Variants in TIMP2 observed in about 807,000 individuals in gnomAD.
TIMP2 encodes metalloproteinase inhibitor 2.
A neutral mutation model predicts 24.3 loss-of-function variants in TIMP2; 5 were observed. That is an observed-to-expected ratio of 0.21 (90% confidence interval 0.11 to 0.43). TIMP2 has a LOEUF of 0.43. Ranked by LOEUF, TIMP2 falls within the 20% of genes least tolerant of loss-of-function variation. TIMP2 has a pLI of 1.00. For missense variants in TIMP2, 221 were observed against 297.5 expected, an observed-to-expected ratio of 0.74 and a Z score of 1.89; for synonymous variants, 130 against 123.2, an observed-to-expected ratio of 1.06 and a Z score of -0.37.
At position 78,887,138 on chromosome 17, in the gene TIMP2, C is replaced by T. The variant is rs1027454188; in HGVS notation, c.131-13219G>A. Among the ~76,000 whole-genome samples the T allele has an allele frequency of 2.0e-5, 3 of 152,332 alleles. No individual in the cohort carries two copies. In the East Asian group the frequency reaches 5.8e-4, roughly 29 times the overall value. On this transcript the variant is annotated intron_variant, in intron 1 of 4. Transcript: ENST00000262768. The stretch of plus-strand genomic sequence containing the variant: ...AGAGTCTTGTGGGATGCTACTCCCG[C>T]CCCGTCCAAATGAGCGTAACGCTTG...
chr17:78,909,743 A>T (rs1312071658), intron 1 of TIMP2, among the ~76,000 whole-genome samples: 1 of 151,704 alleles, frequency 6.6e-6, no homozygotes, highest in Non-Finnish European at 1.5e-5. Context: ...TGCTACCGAC[A>T]CTCCAAGTAG....
chr17:78,907,721 T>C (rs565993746), intron 1 of TIMP2, among the ~76,000 whole-genome samples: 56 of 152,312 alleles, frequency 3.7e-4, no homozygotes, highest in African/African-American at 1.3e-3. Context: ...AAACGCAGTA[T>C]CTGCAGAGCA....
intron 1 of TIMP2, among the ~76,000 whole-genome samples, chr17:78,911,594 A>C (rs2070208099): frequency 6.6e-6 from 1 of 151,844 alleles, no homozygotes; most frequent in Admixed American, 6.6e-5. Context: ...TGCCCAGCTA[A>C]TTTTAAAAAT....
chr17:78,868,271 G>C (rs2069636336), intron 3 of TIMP2, among the ~76,000 whole-genome samples: 1 of 151,610 alleles, frequency 6.6e-6, no homozygotes, highest in Non-Finnish European at 1.5e-5. Flanking sequence ...TTTTTTGTGA[G>C]ATGGGGTCTT....
intron 1 of TIMP2, chr17:78,902,762 T>C (rs1462756293): frequency 6.6e-6 from 1 of 152,206 alleles, no homozygotes; most frequent in African/African-American, 2.4e-5. Context: ...CAGCGTCCAT[T>C]ACCGCTTCCC....
At chr17:78,864,343 T>TTCCCTTCC (rs761625151) in intron 3 of TIMP2, among the ~76,000 whole-genome samples, 5 of 147,036 alleles carry the variant, frequency 3.4e-5, no homozygotes, top group South Asian at 2.3e-4. Flanking sequence ...CCCTCCCTCC[T>TTCCCTTCC]TCCCTTCCTC....
chr17:78,890,488 G>A (rs61085474), intron 1 of TIMP2: 28,271 of 896,604 alleles, frequency 0.032, 2,393 homozygotes, highest in African/African-American at 0.27. Flanking sequence ...TTACAGGCGT[G>A]CGCCACTGCA....
chr17:78,895,191 GA>G (rs1479061019), intron 1 of TIMP2, among the ~76,000 whole-genome samples: 1 of 152,170 alleles, frequency 6.6e-6, no homozygotes, highest in East Asian at 1.9e-4. Context: ...TAAGGCAGGA[GA>G]ATTGCTTGTA....
chr17:78,914,700 C>G (rs997195808), intron 1 of TIMP2, among the ~76,000 whole-genome samples: 1 of 151,846 alleles, frequency 6.6e-6, no homozygotes, highest in South Asian at 2.1e-4. Context: ...TTCAGCCTCC[C>G]GAGTAGGTGG....
chr17:78,864,200 C>T (rs1441035461), intron 3 of TIMP2, among the ~76,000 whole-genome samples: 1 of 152,144 alleles, frequency 6.6e-6, no homozygotes, highest in African/African-American at 2.4e-5. Flanking sequence ...CCTGCCTCAG[C>T]CTCCCAAGTA....
chr17:78,906,238 C>T (rs866267536), intron 1 of TIMP2, among the ~76,000 whole-genome samples: 28 of 152,020 alleles, frequency 1.8e-4, no homozygotes, highest in African/African-American at 5.6e-4. Context: ...CATAGTGGTG[C>T]GTACCTGCAG....
At chr17:78,899,972 C>T (rs2070064856) in intron 1 of TIMP2, 1 of 152,192 alleles carries the variant, frequency 6.6e-6, no homozygotes, top group Admixed American at 6.5e-5. Flanking sequence ...ATAATTAGAG[C>T]TTACCCTTTC....
chr17:78,917,889 G>A (rs1196704787), intron 1 of TIMP2, among the ~76,000 whole-genome samples: 4 of 152,146 alleles, frequency 2.6e-5, no homozygotes, highest in Non-Finnish European at 5.9e-5. Flanking sequence ...AGGCAAGATC[G>A]TTACCATCGC....
intron 3 of TIMP2, among the ~76,000 whole-genome samples, chr17:78,870,157 T>C (rs1599148744): frequency 1.3e-5 from 2 of 152,316 alleles, no homozygotes; most frequent in East Asian, 3.9e-4. Flanking sequence ...GGCTCGCGCC[T>C]GTAATCCTGC....
intron 1 of TIMP2, among the ~76,000 whole-genome samples, chr17:78,909,295 C>A (rs1043612687): frequency 9.2e-5 from 14 of 151,888 alleles, no homozygotes; most frequent in Non-Finnish European, 1.5e-4. Flanking sequence ...GTTAAAGCTA[C>A]AGTGAGCTAG....
At chr17:78,902,821 T>C (rs2070115988) in intron 1 of TIMP2, 1 of 152,222 alleles carries the variant, frequency 6.6e-6, no homozygotes, top group African/African-American at 2.4e-5. Flanking sequence ...GGGTCCCCAA[T>C]CCCAGCAGGT....
At chr17:78,865,734 G>A (rs1366849841) in intron 3 of TIMP2, among the ~76,000 whole-genome samples, 1 of 152,174 alleles carries the variant, frequency 6.6e-6, no homozygotes. Flanking sequence ...AGAGATTGCA[G>A]TGACCCGAGA....
At chr17:78,883,343 C>T (rs1599155092) in intron 1 of TIMP2, among the ~76,000 whole-genome samples, 1 of 152,232 alleles carries the variant, frequency 6.6e-6, no homozygotes, top group African/African-American at 2.4e-5. Flanking sequence ...CCAGGTCCAC[C>T]CTCAGTGGTG....
At chr17:78,865,624 CAAAA>C (rs35179698) in intron 3 of TIMP2, among the ~76,000 whole-genome samples, 1 of 117,726 alleles carries the variant, frequency 8.5e-6, no homozygotes, top group Non-Finnish European at 1.7e-5. Flanking sequence ...AACTCTGTCT[CAAAA>C]AAAAAAAAAA....
Sources: allele counts gnomAD v4.1 joint callset (sites outside exome capture counted in the v4.1 genomes callset), GRCh38; gene constraint gnomAD v4.1.1; transcripts MANE v1.5; gene names NCBI Gene and HGNC (gene_info 2026-07-23, HGNC 2026-07-21).